The following GOLGA8S variants were observed in gnomAD, a reference collection of about 807,000 sequenced individuals.
GOLGA8S encodes golgin A8 family member S.
In GOLGA8S, 23 loss-of-function variants were observed where a neutral mutation model predicts 58.9. The ratio of observed to expected loss-of-function variants is 0.39; its 90% CI spans 0.28 to 0.55. The LOEUF (loss-of-function observed/expected upper bound fraction) is 0.55. Ranked by LOEUF, GOLGA8S falls within the 20% of genes least tolerant of loss-of-function variation. The probability of loss-of-function intolerance (pLI) is 0.63; values close to 1 mark genes in which losing one functional copy is unlikely to be tolerated. For missense variants in GOLGA8S, 266 were observed against 514.2 expected (o/e 0.52, Z 4.67); for synonymous variants, 84 against 195.7 (o/e 0.43, Z 4.76).
exon 19 of GOLGA8S, chr15:23,365,116 G>A: frequency 6.3e-7 from 1 of 1,588,106 alleles, no homozygotes; most frequent in South Asian, 1.1e-5. Flanking sequence ...GGGCTTGGCT[G>A]CCAAGAAGAA....
At position 23,364,520 on chromosome 15, in the gene GOLGA8S, C is replaced by T. The variant is rs1169499668; in HGVS notation, c.1449-6C>T. On this transcript the variant is annotated splice_region_variant and splice_polypyrimidine_tract_variant and intron_variant, in intron 16 of 18. Coordinates refer to ENST00000562295, the Ensembl canonical transcript of GOLGA8S. ...GCCCCAGCGTCTGAGCCCTGTCCTCCCGCAGGAAAATCCATCACCTTTTAT... is the reference window on the plus strand; with the variant it reads ...GCCCCAGCGTCTGAGCCCTGTCCTCTCGCAGGAAAATCCATCACCTTTTAT... The T allele has an allele frequency of 1.2e-6, 2 of 1,602,936 alleles. No individual in the cohort carries two copies. Among genetic ancestry groups the T allele is most frequent in the East Asian group, 2.2e-5 (1 of 44,826 alleles).
intron 13 of GOLGA8S, among the ~76,000 whole-genome samples, chr15:23,362,642 A>T (rs1596017868): frequency 7.1e-6 from 1 of 139,918 alleles, no homozygotes; most frequent in East Asian, 2.1e-4. Flanking sequence ...AAATGGTGGG[A>T]AGAGGACATG....
downstream of GOLGA8S, chr15:23,366,239 G>A (rs1039876101): frequency 4.0e-5 from 6 of 151,318 alleles, no homozygotes; most frequent in African/African-American, 4.9e-5. Flanking sequence ...TGTGACACCT[G>A]GCATTCCTCT....
In GOLGA8S at chr15:23,361,460, C is replaced by G. The variant is rs773553631; in HGVS notation, c.1110+4C>G. ...ACAGAACAGCTTCAAGGAGCTGGTGCGTTGCCCCAGCTGGGGAGCCTGCCC... is the reference window on the plus strand; with the variant it reads ...ACAGAACAGCTTCAAGGAGCTGGTGGGTTGCCCCAGCTGGGGAGCCTGCCC... On this transcript the variant is annotated splice_donor_region_variant and intron_variant, in intron 12 of 18. Coordinates refer to ENST00000562295, the Ensembl canonical transcript of GOLGA8S. 6.5e-6 allele frequency: 5 copies of G among 774,006 alleles called. No homozygotes were observed. The East Asian group carries it at 1.2e-4, about 19-fold the overall frequency. 47.9% of individuals were successfully genotyped at this position (774,006 alleles called of 1,614,324 possible).
downstream of GOLGA8S, among the ~76,000 whole-genome samples, chr15:23,368,277 G>A (rs1370005738): frequency 6.6e-6 from 1 of 151,776 alleles, no homozygotes; most frequent in Admixed American, 6.6e-5. Flanking sequence ...ATTGACTGCT[G>A]GTGTGATGCC....
downstream of GOLGA8S, chr15:23,366,211 T>C (rs890797578): frequency 5.3e-5 from 8 of 151,572 alleles, no homozygotes; most frequent in African/African-American, 1.9e-4. Context: ...AAGAATGAAT[T>C]AGAGTGAAGG....
chr15:23,361,095 T>G lies in GOLGA8S; in HGVS notation c.875-126T>G. 4 of 960,200 alleles carry G rather than the reference T, an allele frequency of 4.2e-6. No homozygotes were observed. In the South Asian group the frequency reaches 5.0e-5, roughly 12 times the overall value. 59.5% of individuals were successfully genotyped at this position (960,200 alleles called of 1,614,324 possible). A position where few individuals can be genotyped will look rare whatever the true frequency, so the allele number is the denominator to read the frequency against. On this transcript the variant is annotated intron_variant, in intron 11 of 18. Coordinates refer to ENST00000562295, the Ensembl canonical transcript of GOLGA8S. ...GGAATCATTAGCAGTGAGGCCAAGTTTGAGGAGCCGGAGAGGAGCTGTGCG... is the reference window on the plus strand; with the variant it reads ...GGAATCATTAGCAGTGAGGCCAAGTGTGAGGAGCCGGAGAGGAGCTGTGCG...
rs755695284 is a variant in GOLGA8S, at chr15:23,360,710, C to A, written c.787-18C>A. The A allele has an allele frequency of 2.8e-5, 30 of 1,072,940 alleles. 2 individuals carry two copies. In the Admixed American group the frequency reaches 4.4e-4, roughly 16 times the overall value. 66.5% of individuals were successfully genotyped at this position (1,072,940 alleles called of 1,614,324 possible). Reference sequence around the variant, plus strand: ...CAGCCCCTCTCTCCAGGGCCCTTTCCCCCTGTGCTTTGGGCAGGTTTGCTC... The same window carrying A: ...CAGCCCCTCTCTCCAGGGCCCTTTCACCCTGTGCTTTGGGCAGGTTTGCTC... On this transcript the variant is annotated intron_variant, in intron 10 of 18. Coordinates refer to ENST00000562295, the Ensembl canonical transcript of GOLGA8S.
At chr15:23,359,659 C>A (rs2069751794) in intron 8 of GOLGA8S, among the ~76,000 whole-genome samples, 1 of 143,582 alleles carries the variant, frequency 7.0e-6, no homozygotes, top group Non-Finnish European at 1.5e-5. Context: ...CTGGGAGATA[C>A]TTCCCTTCTG....
At chr15:23,365,806 G>A (rs1964446), downstream of GOLGA8S, 12,744 of 163,652 alleles carry the variant, frequency 0.078, 659 homozygotes, top group Non-Finnish European at 0.1. Flanking sequence ...GGTATGTCCA[G>A]GATAGAGTGT....
At chr15:23,361,169 CTTT>C (rs149891156) in intron 11 of GOLGA8S, 49 bp from the exon 12 acceptor site, 167 of 719,406 alleles carry the variant, frequency 2.3e-4, no homozygotes, top group South Asian at 6.8e-4. Context: ...CTTTTCTTTT[CTTT>C]TTTTTTTTTT....
intron 4 of GOLGA8S, among the ~76,000 whole-genome samples, chr15:23,358,262 C>A (rs1414798474): frequency 1.3e-5 from 2 of 152,416 alleles, no homozygotes; most frequent in East Asian, 1.9e-4. Flanking sequence ...CAGATTCAGA[C>A]CTTCAGTTCT....
At chr15:23,365,764 C>G, downstream of GOLGA8S, 1 of 169,832 alleles carries the variant, frequency 5.9e-6, no homozygotes, top group Non-Finnish European at 1.3e-5. Context: ...CTTTTTAAAT[C>G]TCACAGAAGA....
chr15:23,364,384 T>G, exon 16 of GOLGA8S: 1 of 1,603,344 alleles, frequency 6.2e-7, no homozygotes, highest in South Asian at 1.1e-5. Context: ...CAGACCTGAG[T>G]GAGCTGGTGA....
intron 4 of GOLGA8S, among the ~76,000 whole-genome samples, 175 bp from the exon 5 acceptor site, chr15:23,358,297 A>G (rs878970448): frequency 0.013 from 1,775 of 136,644 alleles, no homozygotes; most frequent in Non-Finnish European, 0.015. Context: ...AAGCCAACAA[A>G]GACCCAAATC....
At chr15:23,356,261 C>T (rs1171730555) in intron 1 of GOLGA8S, among the ~76,000 whole-genome samples, 2 of 145,010 alleles carry the variant, frequency 1.4e-5, no homozygotes, top group African/African-American at 2.5e-5. Flanking sequence ...AACCACATGG[C>T]ATACAGTTCC....
chr15:23,362,837 G>A lies in GOLGA8S; in HGVS notation c.1180-328G>A, dbSNP rs1055897619. Among the ~76,000 whole-genome samples, 3 of 142,260 alleles carry A rather than the reference G, an allele frequency of 2.1e-5. 1 individual carries two copies. Among genetic ancestry groups the A allele is most frequent in the African/African-American group, 8.4e-5 (3 of 35,608 alleles). 93.3% of individuals were successfully genotyped at this position (142,260 alleles called of 152,430 possible). ...CCTCACACCCAGGGTCTTCCTGCAG[G>A]TGGAGCTGAAGAGCCAAGAGGCTCA... On this transcript the variant is annotated intron_variant, in intron 13 of 18. Coordinates refer to ENST00000562295, the Ensembl canonical transcript of GOLGA8S.
chr15:23,357,049 CCA>C (rs1223018230), intron 2 of GOLGA8S, among the ~76,000 whole-genome samples: 1 of 124,860 alleles, frequency 8.0e-6, no homozygotes, highest in Non-Finnish European at 1.7e-5. Context: ...TTCCTCATCC[CCA>C]GTCTCAAGGG....
At chr15:23,356,324 A>G (rs549678684) in intron 1 of GOLGA8S, among the ~76,000 whole-genome samples, 1 of 141,850 alleles carries the variant, frequency 7.0e-6, no homozygotes, top group South Asian at 2.4e-4. Flanking sequence ...GGTCCCTGGC[A>G]GCTGATGATT....
Sources: gnomAD v4.1 joint callset for allele counts (sites outside exome capture counted in the v4.1 genomes callset) on GRCh38, gnomAD v4.1.1 for gene constraint, MANE v1.5 for transcripts, NCBI Gene and HGNC (gene_info 2026-07-23, HGNC 2026-07-21) for gene names.